The following CCDC38 variants were observed in gnomAD, a reference collection of about 807,000 sequenced individuals.
CCDC38 encodes the protein coiled-coil domain-containing protein 38.
CCDC38 carries 69 observed loss-of-function variants against 72.8 expected under a neutral mutation model. The observed-to-expected ratio is 0.95, with a 90% CI of 0.78 to 1.16. The LOEUF is 1.16. CCDC38 is among the 50% of genes most tolerant of loss of function. The pLI, the probability that CCDC38 is intolerant of heterozygous loss-of-function variation, is 0.00. For synonymous variants in CCDC38, 201 were observed against 213.2 expected (o/e 0.94, Z 0.50); for missense variants, 626 against 638.9 (o/e 0.98, Z 0.22).
chr12:95,889,340 T>G (rs2079797990), intron 9 of CCDC38, among the ~76,000 whole-genome samples: 1 of 152,176 alleles, frequency 6.6e-6, no homozygotes. Context: ...TACCCTAACA[T>G]GTACTACTAA....
chr12:95,906,976 C>G (rs1014784313), intron 4 of CCDC38, among the ~76,000 whole-genome samples: 1 of 151,084 alleles, frequency 6.6e-6, no homozygotes. Flanking sequence ...TGCGGCCTTC[C>G]GCAGCGTTTG....
chr12:95,909,021 A>G (rs757794912), intron 4 of CCDC38, among the ~76,000 whole-genome samples: 6 of 152,350 alleles, frequency 3.9e-5, no homozygotes, highest in Admixed American at 6.5e-5. Flanking sequence ...AACTGTAGCT[A>G]GCAGAAGAAA....
intron 15 of CCDC38, 128 bp downstream of exon 15, chr12:95,869,352 T>G: frequency 1.5e-6 from 1 of 658,516 alleles, no homozygotes; most frequent in Non-Finnish European, 2.5e-6. Context: ...AGAGACCAAT[T>G]GTAGCTGTGA....
At chr12:95,876,925 C>T (rs1374154038) in intron 13 of CCDC38, among the ~76,000 whole-genome samples, 1 of 152,126 alleles carries the variant, frequency 6.6e-6, no homozygotes, top group Non-Finnish European at 1.5e-5. Flanking sequence ...ATATTAAAAG[C>T]CAGTGCCCTT....
intron 2 of CCDC38, among the ~76,000 whole-genome samples, chr12:95,936,157 A>G (rs1361030416): frequency 6.6e-6 from 1 of 152,134 alleles, no homozygotes; most frequent in Non-Finnish European, 1.5e-5. Flanking sequence ...AAAGGGTGGG[A>G]AAGGAAAGAA....
rs181179491 is a variant in CCDC38 at position 95,899,652 on chromosome 12, C to A, written c.370-921G>T. ...AAAAATTAAATCATAAATAAGGCCA[C>A]ATACATAATATAAATGAATTGAAAA... is the stretch of plus-strand genomic sequence containing the variant. On this transcript the variant is annotated intron_variant, in intron 5 of 15. Coordinates refer to ENST00000344280, the MANE Select transcript of CCDC38 (RefSeq NM_182496.3). Among the ~76,000 whole-genome samples, 3 of 152,222 alleles carry A rather than the reference C, an allele frequency of 2.0e-5. No homozygotes were observed. In the East Asian group the frequency reaches 5.8e-4, roughly 29 times the overall value.
intron 2 of CCDC38, among the ~76,000 whole-genome samples, chr12:95,924,524 G>T (rs2080246910): frequency 1.4e-5 from 2 of 147,134 alleles, no homozygotes; most frequent in African/African-American, 2.5e-5. Flanking sequence ...CTTTTGCTGT[G>T]CAGAAGCTCT....
At chr12:95,869,652 G>T in intron 14 of CCDC38, 79 bp from the exon 15 acceptor site, 1 of 1,050,374 alleles carries the variant, frequency 9.5e-7, no homozygotes, top group Non-Finnish European at 1.5e-6. Flanking sequence ...TTGTTAATGA[G>T]CCATGTGACT....
At chr12:95,925,143 T>C (rs1217311230) in intron 2 of CCDC38, among the ~76,000 whole-genome samples, 1 of 152,066 alleles carries the variant, frequency 6.6e-6, no homozygotes, top group African/African-American at 2.4e-5. Context: ...TATGGCCATT[T>C]TCACGATATT....
At chr12:95,872,229 G>A (rs911196430) in intron 14 of CCDC38, 26 bp downstream of exon 14, 1 of 1,606,618 alleles carries the variant, frequency 6.2e-7, no homozygotes, top group African/African-American at 1.3e-5. Flanking sequence ...TACTCATTAA[G>A]TCATTCTTAT....
chr12:95,872,392 C>G lies in CCDC38; in HGVS notation c.1347G>C (p.Glu449Asp). Reference sequence around the variant, plus strand: ...TTTGAATTGGGTTGAGGCCGTCATCCTCAGCATCTCCAATGCAGACTTTGT... The same window carrying G: ...TTTGAATTGGGTTGAGGCCGTCATCGTCAGCATCTCCAATGCAGACTTTGT... ...QVYKVCIGDA[E>D]DDGLNPIQKL... is the part of the protein sequence containing the mutation. Residue 449 changes from glutamate (E) to aspartate (D), a missense_variant, in exon 14 of 16, where the codon GAG becomes GAC. Transcript: ENST00000344280. 6.2e-7 allele frequency: 1 copy of G among 1,614,142 alleles called. No individual in the cohort carries two copies. Among genetic ancestry groups the G allele is most frequent in the Non-Finnish European group, 8.5e-7 (1 of 1,180,010 alleles).
chr12:95,919,080 G>T, intron 2 of CCDC38, 104 bp from the exon 3 acceptor site: 1 of 714,032 alleles, frequency 1.4e-6, no homozygotes, highest in Non-Finnish European at 2.4e-6. Flanking sequence ...GGGATGCAGG[G>T]ATCTCTGAGA....
Position 95,902,079 on chromosome 12 carries a change from G to A in CCDC38, c.370-3348C>T, listed in dbSNP as rs543390164. The stretch of plus-strand genomic sequence containing the variant: ...TATCTAAAGAGGGTTTTTGGGGTGG[G>A]GTTGTTTTAAAAGATGGGGTAAATA... On this transcript the variant is annotated intron_variant, in intron 5 of 15. Transcript: ENST00000344280. Among the ~76,000 whole-genome samples the A allele has an allele frequency of 1.1e-3, 160 of 152,162 alleles. 1 individual carries two copies. The highest frequency in any genetic ancestry group is 2.0e-3 in the Non-Finnish European group (137 of 67,988).
intron 2 of CCDC38, among the ~76,000 whole-genome samples, chr12:95,924,633 G>C (rs1360446672): frequency 1.3e-5 from 2 of 151,050 alleles, no homozygotes; most frequent in African/African-American, 4.8e-5. Flanking sequence ...GTCCTGAATG[G>C]TAATGCCTAG....
intron 10 of CCDC38, chr12:95,885,631 T>A (rs763996863): frequency 6.4e-6 from 1 of 155,102 alleles, no homozygotes; most frequent in African/African-American, 2.4e-5. Context: ...TAAGTTCCCA[T>A]CTGTGATGCA....
chr12:95,898,317 T>C lies in CCDC38; in HGVS notation c.614+68A>G. 7.0e-6 allele frequency: 10 copies of C among 1,431,190 alleles called. No homozygotes were observed. In the South Asian group the frequency reaches 8.0e-5, roughly 11 times the overall value. 88.7% of individuals were successfully genotyped at this position (1,431,190 alleles called of 1,614,324 possible). On this transcript the variant is annotated intron_variant, in intron 7 of 15. Transcript: ENST00000344280. ...AAGGATGATCAGGATTATTAGGTCT[T>C]ACCTGGCATGAATAGGTTTTAATGG...
chr12:95,929,710 A>G (rs991216406), intron 2 of CCDC38, among the ~76,000 whole-genome samples: 2 of 152,258 alleles, frequency 1.3e-5, no homozygotes, highest in Non-Finnish European at 2.9e-5. Context: ...GAAGAAAACT[A>G]AATTTCTGAA....
chr12:95,888,799 C>T (rs1329068078), intron 9 of CCDC38, among the ~76,000 whole-genome samples: 2 of 152,108 alleles, frequency 1.3e-5, no homozygotes, highest in Non-Finnish European at 2.9e-5. Context: ...GCTTTTCCCT[C>T]CAGAGCCCTC....
chr12:95,889,951 G>A (rs2079805845), intron 9 of CCDC38, among the ~76,000 whole-genome samples: 1 of 151,798 alleles, frequency 6.6e-6, no homozygotes, highest in African/African-American at 2.4e-5. Context: ...CCGTTACCCG[G>A]GCTGGAGTGC....
Sources: gnomAD v4.1 joint callset for allele counts (sites outside exome capture counted in the v4.1 genomes callset) on GRCh38, gnomAD v4.1.1 for gene constraint, MANE v1.5 for transcripts, NCBI Gene and HGNC (gene_info 2026-07-23, HGNC 2026-07-21) for gene names.